The following ASTN1 variants were observed in gnomAD, a reference collection of about 807,000 sequenced individuals.
The protein encoded by ASTN1 is astrotactin-1.
In ASTN1, 41 loss-of-function variants were observed where a neutral mutation model predicts 140.7. The ratio of observed to expected loss-of-function variants is 0.29; its 90% CI spans 0.23 to 0.38. ASTN1 has a LOEUF of 0.38. Ranked by LOEUF, ASTN1 falls within the 10% of genes least tolerant of loss-of-function variation. The probability of loss-of-function intolerance (pLI) is 1.00; values close to 1 mark genes in which losing one functional copy is unlikely to be tolerated. For missense variants in ASTN1, 1,479 were observed against 1,678.8 expected (o/e 0.88, Z 2.08); for synonymous variants, 640 against 652.2 (o/e 0.98, Z 0.29).
In ASTN1 at chr1:176,861,567, T is replaced by G; in HGVS notation, c.*2717A>C. ...AATAGTGTCTTCCAAGGGGAAAAAA[T>G]CCTCCAGTCAATTGTACAACCATCC... On this transcript the variant is annotated 3_prime_UTR_variant, in exon 23 of 23. Transcript: ENST00000361833. 1 of 985,654 alleles carries G rather than the reference T, an allele frequency of 1.0e-6. No homozygotes were observed. The highest frequency in any genetic ancestry group is 1.1e-4 in the East Asian group (1 of 8,818). The allele number at this position is 985,654 out of a possible 1,614,324, so 61.1% of individuals were successfully genotyped here. A position where few individuals can be genotyped will look rare whatever the true frequency, so the allele number is the denominator to read the frequency against.
intron 1 of ASTN1, among the ~76,000 whole-genome samples, chr1:177,089,432 A>C (rs1679635004): frequency 6.6e-6 from 1 of 152,184 alleles, no homozygotes; most frequent in African/African-American, 2.4e-5. Flanking sequence ...AGGGAGAGAA[A>C]TAGAAAAAGA....
intron 16 of ASTN1, among the ~76,000 whole-genome samples, chr1:176,903,564 T>C (rs1200799412): frequency 2.0e-5 from 3 of 152,220 alleles, no homozygotes; most frequent in Non-Finnish European, 4.4e-5. Context: ...CATTATCTTA[T>C]ACCTACATTT....
At chr1:177,104,304 C>T (rs1002241935) in intron 1 of ASTN1, among the ~76,000 whole-genome samples, 1 of 152,154 alleles carries the variant, frequency 6.6e-6, no homozygotes, top group South Asian at 2.1e-4. Context: ...CTTTATTAGT[C>T]TCCTGAAGAT....
At chr1:177,137,922 A>C (rs1304738501) in intron 1 of ASTN1, among the ~76,000 whole-genome samples, 1 of 152,314 alleles carries the variant, frequency 6.6e-6, no homozygotes, top group East Asian at 1.9e-4. Context: ...AAATGATGAG[A>C]ATAGGGTTCA....
At chr1:176,949,146 AGATG>A in intron 12 of ASTN1, 35 bp downstream of exon 12, 1 of 1,610,810 alleles carries the variant, frequency 6.2e-7, no homozygotes, top group Non-Finnish European at 8.5e-7. Context: ...GTCCTGGGAC[AGATG>A]GACGCCAGGT....
In ASTN1 at chr1:176,945,999, C is replaced by A. The variant is rs1671942571; in HGVS notation, c.2176G>T (p.Gly726Trp). 1.9e-6 allele frequency: 3 copies of A among 1,614,126 alleles called. No individual in the cohort carries two copies. The highest frequency in any genetic ancestry group is 2.5e-6 in the Non-Finnish European group (3 of 1,179,996). The change falls in exon 13 of 23, where the codon GGG (glycine) becomes TGG (tryptophan). Residue 726 changes from glycine to tryptophan, a missense_variant. Transcript: ENST00000361833. ...RELPMNQTLF[G>W]EMFFGYNNHS... ...TTGTTGTAACCAAAGAACATCTCCC[C>A]AAAGAGGGTCTGGTTCATGGGAAGC...
chr1:177,062,212 G>C (rs539616728), intron 1 of ASTN1, among the ~76,000 whole-genome samples: 42 of 151,728 alleles, frequency 2.8e-4, no homozygotes, highest in African/African-American at 9.7e-4. Flanking sequence ...CATGTGTTTA[G>C]TAAACCATTG....
intron 1 of ASTN1, among the ~76,000 whole-genome samples, chr1:177,161,728 C>T (rs576073247): frequency 6.6e-6 from 1 of 152,216 alleles, no homozygotes; most frequent in Admixed American, 6.5e-5. Context: ...AAAAGGAAGC[C>T]AAAGCTTGTT....
At chr1:177,144,463 A>G (rs1682627526) in intron 1 of ASTN1, among the ~76,000 whole-genome samples, 1 of 150,452 alleles carries the variant, frequency 6.6e-6, no homozygotes, top group Non-Finnish European at 1.5e-5. Context: ...CGTGTTAGCC[A>G]GGATGGTCTT....
intron 1 of ASTN1, among the ~76,000 whole-genome samples, chr1:177,113,465 T>C (rs1680918922): frequency 6.6e-6 from 1 of 152,254 alleles, no homozygotes; most frequent in South Asian, 2.1e-4. Context: ...CTCAATACTG[T>C]CATCCCCTTG....
At chr1:176,984,404 A>C (rs1187113486) in intron 8 of ASTN1, among the ~76,000 whole-genome samples, 2 of 152,232 alleles carry the variant, frequency 1.3e-5, no homozygotes, top group Non-Finnish European at 2.9e-5. Flanking sequence ...ATCTAAAAAC[A>C]AAAATCAGTG....
intron 2 of ASTN1, among the ~76,000 whole-genome samples, chr1:177,058,189 C>G (rs558742284): frequency 3.9e-5 from 6 of 152,008 alleles, no homozygotes; most frequent in Non-Finnish European, 5.9e-5. Context: ...GGGAAAGGAG[C>G]GGGTAGGGAG....
intron 1 of ASTN1, among the ~76,000 whole-genome samples, chr1:177,067,555 A>G (rs1678425424): frequency 6.6e-6 from 1 of 152,140 alleles, no homozygotes. Flanking sequence ...TGGTTTCAGA[A>G]TGGTCTTCTC....
At chr1:177,030,687 C>T in intron 4 of ASTN1, 119 bp downstream of exon 4, 1 of 1,362,436 alleles carries the variant, frequency 7.3e-7, no homozygotes, top group Non-Finnish European at 9.9e-7. Flanking sequence ...TCCAGAAAGG[C>T]TGTGCCAGGG....
intron 1 of ASTN1, among the ~76,000 whole-genome samples, chr1:177,114,331 T>C (rs1680969259): frequency 6.6e-6 from 1 of 152,202 alleles, no homozygotes; most frequent in Non-Finnish European, 1.5e-5. Flanking sequence ...AATTTCTTAA[T>C]AGATTTGTTT....
chr1:177,079,789 G>A (rs1056680934), intron 1 of ASTN1, among the ~76,000 whole-genome samples: 2 of 152,036 alleles, frequency 1.3e-5, no homozygotes, highest in Non-Finnish European at 2.9e-5. Flanking sequence ...GATAACAAAA[G>A]CTCAGAGAGT....
intron 16 of ASTN1, among the ~76,000 whole-genome samples, chr1:176,903,234 A>G (rs769873527): frequency 2.8e-4 from 42 of 152,032 alleles, no homozygotes; most frequent in Non-Finnish European, 5.0e-4. Flanking sequence ...CCAAGCTGAC[A>G]CCATAGCTGC....
At chr1:176,893,613 AG>A (rs1669361937) in intron 17 of ASTN1, among the ~76,000 whole-genome samples, 1 of 152,332 alleles carries the variant, frequency 6.6e-6, no homozygotes, top group Admixed American at 6.5e-5. Flanking sequence ...AACAAACACC[AG>A]GTGTTCCTTA....
chr1:177,109,182 T>A (rs912899585), intron 1 of ASTN1, among the ~76,000 whole-genome samples: 3 of 152,166 alleles, frequency 2.0e-5, no homozygotes, highest in African/African-American at 7.2e-5. Flanking sequence ...TATTAAATTA[T>A]GAATACTGGA....
Sources: allele counts gnomAD v4.1 joint callset (sites outside exome capture counted in the v4.1 genomes callset), GRCh38; gene constraint gnomAD v4.1.1; transcripts MANE v1.5; gene names NCBI Gene and HGNC (gene_info 2026-07-23, HGNC 2026-07-21).